Variants in KCNK13 observed in about 807,000 individuals in gnomAD.
KCNK13 encodes potassium two pore domain channel subfamily K member 13.
Under a neutral mutation model 23.4 loss-of-function variants are expected in KCNK13, and 12 were observed. That is an observed-to-expected ratio of 0.51 (90% CI 0.33 to 0.83). KCNK13 has a LOEUF of 0.83. Among genes scored for constraint, KCNK13 ranks in the 40% least tolerant of loss-of-function variants. KCNK13 has a pLI of 0.02. For missense variants in KCNK13, 463 were observed against 556.3 expected (o/e 0.83, Z 1.69); for synonymous variants, 231 against 229.5 (o/e 1.01, Z -0.06).
chr14:90,062,635 T>G lies in KCNK13; in HGVS notation c.334+96T>G. 1 of 972,978 alleles carries G rather than the reference T, an allele frequency of 1.0e-6. No homozygotes were observed. The highest frequency in any genetic ancestry group is 3.0e-5 in the East Asian group (1 of 33,514). 60.3% of individuals were successfully genotyped at this position (972,978 alleles called of 1,614,324 possible). A position where few individuals can be genotyped will look rare whatever the true frequency, so the allele number is the denominator to read the frequency against. ...CCTCTCATCCTTTCATTCATCCATC[T>G]GGGCGCCCAGCCAGACTCCACTGAC... On this transcript the variant is annotated intron_variant, in intron 1 of 1. Coordinates refer to ENST00000282146, the MANE Select transcript of KCNK13 (RefSeq NM_022054.4). The surrounding 1 kb of genome is among the most constrained non-coding windows in gnomAD (Gnocchi z 4.5).
At chr14:90,174,448 G>T (rs553808070) in intron 1 of KCNK13, among the ~76,000 whole-genome samples, 2 of 152,314 alleles carry the variant, frequency 1.3e-5, no homozygotes, top group South Asian at 4.1e-4. Context: ...GACACGTGGG[G>T]ATTATAATAT....
chr14:90,135,096 G>A (rs1889920150), intron 1 of KCNK13, among the ~76,000 whole-genome samples: 2 of 152,186 alleles, frequency 1.3e-5, no homozygotes, highest in Admixed American at 1.3e-4. Context: ...GGGCCTAGTG[G>A]CCCACTTGGG....
chr14:90,128,602 A>G (rs1327571706), intron 1 of KCNK13, among the ~76,000 whole-genome samples: 1 of 152,190 alleles, frequency 6.6e-6, no homozygotes, highest in African/African-American at 2.4e-5. Flanking sequence ...AGACGGAGGT[A>G]AAATAAGGAA....
intron 1 of KCNK13, among the ~76,000 whole-genome samples, chr14:90,073,181 C>T (rs528696045): frequency 6.6e-6 from 1 of 152,076 alleles, no homozygotes; most frequent in Non-Finnish European, 1.5e-5. Context: ...GTGTGGTGGC[C>T]CTTAGGTGAC....
At chr14:90,181,015 C>T (rs1000357347) in intron 1 of KCNK13, among the ~76,000 whole-genome samples, 1 of 152,186 alleles carries the variant, frequency 6.6e-6, no homozygotes, top group African/African-American at 2.4e-5. Context: ...TGCCACCACG[C>T]CCAGCTAATT....
chr14:90,139,257 G>A (rs1889975003), intron 1 of KCNK13, among the ~76,000 whole-genome samples: 1 of 152,238 alleles, frequency 6.6e-6, no homozygotes, highest in South Asian at 2.1e-4. Context: ...GGGGAGCGGG[G>A]CAGGCTACTC....
Position 90,102,196 on chromosome 14 carries a change from T to G in KCNK13, c.334+39657T>G, listed in dbSNP as rs534429404. Among the ~76,000 whole-genome samples, 9 of 152,190 alleles carry G rather than the reference T, an allele frequency of 5.9e-5. No individual in the cohort carries two copies. The South Asian group carries it at 1.5e-3, about 25-fold the overall frequency. On this transcript the variant is annotated intron_variant, in intron 1 of 1. Coordinates refer to ENST00000282146, the MANE Select transcript of KCNK13 (RefSeq NM_022054.4). The stretch of plus-strand genomic sequence containing the variant: ...ACGTGCCCAGCCAGAAATAAAAAAT[T>G]TTTAAAAAGAAATCCCCCCATTGAA...
At chr14:90,171,338 A>G (rs1890362371) in intron 1 of KCNK13, among the ~76,000 whole-genome samples, 1 of 152,234 alleles carries the variant, frequency 6.6e-6, no homozygotes, top group South Asian at 2.1e-4. Flanking sequence ...GTAATTTTCC[A>G]GTGGTGTTTG....
At chr14:90,172,429 G>A (rs989225934) in intron 1 of KCNK13, among the ~76,000 whole-genome samples, 3 of 152,116 alleles carry the variant, frequency 2.0e-5, no homozygotes, top group East Asian at 1.9e-4. Context: ...CGAGGTGACC[G>A]AAATTGTTAA....
chr14:90,107,238 G>A (rs182070552), intron 1 of KCNK13, among the ~76,000 whole-genome samples: 2 of 152,176 alleles, frequency 1.3e-5, no homozygotes, highest in East Asian at 1.9e-4. Flanking sequence ...CCAGCACTTC[G>A]GGAGGCCAAG....
intron 1 of KCNK13, among the ~76,000 whole-genome samples, chr14:90,099,167 T>C (rs1889446649): frequency 6.6e-6 from 1 of 152,206 alleles, no homozygotes; most frequent in African/African-American, 2.4e-5. Context: ...ACTGTGTGTA[T>C]GGTTGTAACA....
chr14:90,126,327 A>C (rs1357463435), intron 1 of KCNK13, among the ~76,000 whole-genome samples: 1 of 152,072 alleles, frequency 6.6e-6, no homozygotes, highest in Middle Eastern at 3.2e-3. Context: ...GGGCCGAGGA[A>C]TGTCTAACTT....
At chr14:90,086,858 T>C (rs1889281556) in intron 1 of KCNK13, among the ~76,000 whole-genome samples, 1 of 151,938 alleles carries the variant, frequency 6.6e-6, no homozygotes, top group Non-Finnish European at 1.5e-5. Context: ...GTAAAATAAT[T>C]CCATCTTTAT....
chr14:90,109,269 AATTTC>A (rs1596781742), intron 1 of KCNK13, among the ~76,000 whole-genome samples: 2 of 152,136 alleles, frequency 1.3e-5, no homozygotes, highest in East Asian at 3.9e-4. Flanking sequence ...GAGAATGTTT[AATTTC>A]TTTTCTAATA....
intron 1 of KCNK13, among the ~76,000 whole-genome samples, chr14:90,076,204 G>T (rs1461092811): frequency 6.6e-6 from 1 of 152,224 alleles, no homozygotes. Flanking sequence ...GCTGCATGTA[G>T]TAGGAAACTC....
chr14:90,125,000 G>A (rs1175256275), intron 1 of KCNK13, among the ~76,000 whole-genome samples: 1 of 152,138 alleles, frequency 6.6e-6, no homozygotes, highest in Non-Finnish European at 1.5e-5. Flanking sequence ...GGTGCTATGT[G>A]AGACCCAAGC....
intron 1 of KCNK13, among the ~76,000 whole-genome samples, chr14:90,110,499 AG>A (rs1566953335): frequency 6.8e-6 from 1 of 146,462 alleles, no homozygotes; most frequent in African/African-American, 2.5e-5. Flanking sequence ...AAAAAAAAAA[AG>A]CATCTGATTC....
At chr14:90,157,512 C>T (rs1011006392) in intron 1 of KCNK13, among the ~76,000 whole-genome samples, 15 of 151,786 alleles carry the variant, frequency 9.9e-5, no homozygotes, top group African/African-American at 3.1e-4. Context: ...CCTCTCGCTC[C>T]GGCCTCCCGA....
At chr14:90,080,353 G>A (rs1015178855) in intron 1 of KCNK13, among the ~76,000 whole-genome samples, 1 of 152,154 alleles carries the variant, frequency 6.6e-6, no homozygotes, top group Admixed American at 6.5e-5. Flanking sequence ...CTACTTGGGA[G>A]GCTGAGGCAG....
Sources: gnomAD v4.1 joint callset for allele counts (sites outside exome capture counted in the v4.1 genomes callset) on GRCh38, gnomAD v4.1.1 for gene constraint, Gnocchi (gnomAD v3.1) non-coding constraint, MANE v1.5 for transcripts, NCBI Gene and HGNC (gene_info 2026-07-23, HGNC 2026-07-21) for gene names.